Variants in CNTN5 observed in about 807,000 individuals in gnomAD.
The protein encoded by CNTN5 is contactin 5.
A neutral mutation model predicts 129.1 loss-of-function variants in CNTN5; 77 were observed. The ratio of observed to expected loss-of-function variants is 0.60; its 90% confidence interval spans 0.50 to 0.72. The LOEUF (loss-of-function observed/expected upper bound fraction) is 0.72, where lower values mean the gene tolerates loss of function less well. CNTN5 is among the 30% of genes least tolerant of loss of function. CNTN5 has a pLI of 0.00. For missense variants in CNTN5, 1,478 were observed against 1,328.8 expected (o/e 1.11, Z -1.75); for synonymous variants, 509 against 465.6 (o/e 1.09, Z -1.20).
At chr11:99,819,892 A>G (rs999147851) in intron 4 of CNTN5, 127 bp downstream of exon 4, 1 of 682,484 alleles carries the variant, frequency 1.5e-6, no homozygotes, top group Non-Finnish European at 2.5e-6. Flanking sequence ...TCTGCTAAAA[A>G]TGAAAGCAGG....
intron 3 of CNTN5, among the ~76,000 whole-genome samples, chr11:99,692,262 G>A (rs1280890056): frequency 6.6e-6 from 1 of 152,088 alleles, no homozygotes; most frequent in Non-Finnish European, 1.5e-5. Flanking sequence ...TGTTATGTGT[G>A]GATTTGATTC....
chr11:100,309,158 A>C (rs894866857), intron 21 of CNTN5: 43 of 984,904 alleles, frequency 4.4e-5, no homozygotes, highest in Non-Finnish European at 5.1e-5. Flanking sequence ...TAGGGGGATA[A>C]TGTCTAAAAG....
intron 2 of CNTN5, among the ~76,000 whole-genome samples, chr11:99,337,025 T>C (rs1219132744): frequency 6.6e-6 from 1 of 152,040 alleles, no homozygotes; most frequent in Non-Finnish European, 1.5e-5. Context: ...ACATACAGAG[T>C]ATTTCTTCAT....
chr11:99,237,552 A>G (rs113818132), intron 1 of CNTN5, among the ~76,000 whole-genome samples: 2,592 of 152,168 alleles, frequency 0.017, 85 homozygotes, highest in African/African-American at 0.059. Context: ...ATGGTGGCAC[A>G]CACCTGTAGT....
At chr11:99,594,031 G>A (rs1178909169) in intron 3 of CNTN5, among the ~76,000 whole-genome samples, 1 of 152,136 alleles carries the variant, frequency 6.6e-6, no homozygotes, top group Non-Finnish European at 1.5e-5. Flanking sequence ...TTTTAACTGG[G>A]ATGTTCTATG....
chr11:99,164,392 A>G (rs188026742), intron 1 of CNTN5, among the ~76,000 whole-genome samples: 16 of 152,140 alleles, frequency 1.1e-4, no homozygotes, highest in African/African-American at 3.9e-4. Context: ...ATACTTACCT[A>G]AAGAGCAATA....
chr11:99,303,117 C>T (rs141656362), intron 1 of CNTN5, among the ~76,000 whole-genome samples: 1 of 151,790 alleles, frequency 6.6e-6, no homozygotes, highest in African/African-American at 2.4e-5. Context: ...AAGTTTTATG[C>T]ATCCAGTGCA....
intron 3 of CNTN5, among the ~76,000 whole-genome samples, chr11:99,626,368 G>T (rs609750): frequency 0.61 from 92,829 of 151,816 alleles, 29,254 homozygotes; most frequent in Admixed American, 0.74. Context: ...AATAATAGAA[G>T]GACACTTTAA....
chr11:99,975,727 A>T (rs1395013332), intron 8 of CNTN5, among the ~76,000 whole-genome samples: 1 of 152,040 alleles, frequency 6.6e-6, no homozygotes. Flanking sequence ...ATCACCTCCC[A>T]CTAGGCCCTA....
rs185436812 is a variant in CNTN5 at position 99,589,669 on chromosome 11, A to G, written c.55+33400A>G. On this transcript the variant is annotated intron_variant, in intron 3 of 24. Coordinates refer to ENST00000524871, the MANE Select transcript of CNTN5 (RefSeq NM_014361.4). ...TGCTTTAAATATATTTGAAGAAAAG[A>G]TATATGAGTAGAAAGAAAATTCAAA... Among the ~76,000 whole-genome samples the G allele has an allele frequency of 2.3e-3, 343 of 152,324 alleles. 2 individuals carry two copies. Among genetic ancestry groups the G allele is most frequent in the African/African-American group, 7.6e-3 (315 of 41,576 alleles).
chr11:100,059,560 T>G (rs146262401), intron 9 of CNTN5, among the ~76,000 whole-genome samples: 2 of 152,076 alleles, frequency 1.3e-5, no homozygotes, highest in East Asian at 3.9e-4. Context: ...TTCACAGAAA[T>G]GCAAATGCAA....
intron 2 of CNTN5, among the ~76,000 whole-genome samples, chr11:99,548,100 C>T (rs1948360798): frequency 6.6e-6 from 1 of 152,032 alleles, no homozygotes; most frequent in Non-Finnish European, 1.5e-5. Context: ...AATTTTATAG[C>T]TTACTTCTGC....
intron 1 of CNTN5, among the ~76,000 whole-genome samples, chr11:99,100,865 T>C (rs1866697703): frequency 6.6e-6 from 1 of 152,176 alleles, no homozygotes; most frequent in African/African-American, 2.4e-5. Context: ...TAGAACTATC[T>C]CTGATGAAAA....
intron 3 of CNTN5, among the ~76,000 whole-genome samples, chr11:99,790,822 G>A (rs779706422): frequency 4.5e-4 from 69 of 151,850 alleles, no homozygotes; most frequent in Non-Finnish European, 7.4e-4. Context: ...CTGCAACCTC[G>A]CCAGCATGTT....
At chr11:100,248,221 AT>A (rs1162815188) in intron 16 of CNTN5, among the ~76,000 whole-genome samples, 2 of 152,120 alleles carry the variant, frequency 1.3e-5, no homozygotes, top group African/African-American at 4.8e-5. Context: ...ATACCAGCAA[AT>A]TTCACTTTTC....
intron 1 of CNTN5, among the ~76,000 whole-genome samples, chr11:99,227,939 A>G (rs17659701): frequency 0.092 from 13,956 of 152,184 alleles, 707 homozygotes; most frequent in South Asian, 0.16. Flanking sequence ...ATTTTATCTC[A>G]GTATACAAAG....
chr11:100,125,693 G>C (rs1453710137), intron 13 of CNTN5, among the ~76,000 whole-genome samples: 1 of 152,022 alleles, frequency 6.6e-6, no homozygotes. Context: ...TAATAGCAAT[G>C]CTGGGTCAAA....
At chr11:99,697,604 ATGTAAAATGGGATCT>A (rs1954328815) in intron 3 of CNTN5, among the ~76,000 whole-genome samples, 1 of 151,824 alleles carries the variant, frequency 6.6e-6, no homozygotes, top group South Asian at 2.1e-4. Context: ...GTGTTGAATA[ATGTAAAATGGGATCT>A]TGAAAAAAAA....
At chr11:99,876,581 G>A (rs755488441) in intron 6 of CNTN5, among the ~76,000 whole-genome samples, 2 of 152,154 alleles carry the variant, frequency 1.3e-5, no homozygotes, top group Non-Finnish European at 2.9e-5. Context: ...TATAACACAT[G>A]AGGCATTCAA....
Sources: allele counts gnomAD v4.1 joint callset (sites outside exome capture counted in the v4.1 genomes callset), GRCh38; gene constraint gnomAD v4.1.1; transcripts MANE v1.5; gene names NCBI Gene and HGNC (gene_info 2026-07-23, HGNC 2026-07-21).